Variants in TPPP observed in about 807,000 individuals in gnomAD.
TPPP encodes tubulin polymerization-promoting protein.
Under a neutral mutation model 15.5 loss-of-function variants are expected in TPPP, and 6 were observed. The observed-to-expected ratio is 0.39, with a 90% confidence interval of 0.21 to 0.77. The LOEUF (loss-of-function observed/expected upper bound fraction) is 0.77, where lower values mean the gene tolerates loss of function less well. Among genes scored for constraint, TPPP ranks in the 30% least tolerant of loss-of-function variants. TPPP has a pLI of 0.42. For synonymous variants in TPPP, 146 were observed against 133.9 expected (o/e 1.09, Z -0.63); for missense variants, 269 against 307.2 (o/e 0.88, Z 0.93).
upstream of TPPP, among the ~76,000 whole-genome samples, chr5:693,657 T>A (rs1740960304): frequency 1.3e-5 from 2 of 151,476 alleles, no homozygotes; most frequent in South Asian, 4.2e-4. Context: ...GCCCCTCACC[T>A]GGCTCTGGGG....
intron 1 of TPPP, among the ~76,000 whole-genome samples, chr5:685,801 C>T (rs540314181): frequency 4.6e-5 from 7 of 152,146 alleles, no homozygotes; most frequent in Non-Finnish European, 7.4e-5. Context: ...GATGAGAAGG[C>T]GGGGCAGTCT....
At chr5:670,091 C>T (rs554138716) in intron 2 of TPPP, among the ~76,000 whole-genome samples, 361 of 152,236 alleles carry the variant, frequency 2.4e-3, no homozygotes, top group Non-Finnish European at 3.5e-3. Flanking sequence ...CCCCTGGCCT[C>T]TGGGCCTGGT....
chr5:665,170 C>T lies in TPPP; in HGVS notation c.592G>A (p.Glu198Lys), dbSNP rs748630491. The T allele has an allele frequency of 5.0e-6, 8 of 1,613,552 alleles. No individual in the cohort carries two copies. The highest frequency in any genetic ancestry group is 2.2e-5 in the East Asian group (1 of 44,888). Reference sequence around the variant, plus strand: ...TTGTAGCCGGACACATAGCCTGACTCGTCCACCAGATCCACGCGGCCAGCC... The same window carrying T: ...TTGTAGCCGGACACATAGCCTGACTTGTCCACCAGATCCACGCGGCCAGCC... The part of the protein sequence containing the change: ...GKAGRVDLVD[E>K]SGYVSGYKHA... Residue 198 changes from glutamate (E) to lysine (K), a missense_variant, in exon 4 of 4, where the codon GAG becomes AAG. By Grantham distance (56) the Glu-to-Lys change is moderately conservative (BLOSUM62 1). Coordinates refer to ENST00000360578, the MANE Select transcript of TPPP (RefSeq NM_007030.3).
chr5:681,887 G>A (rs866513585), intron 1 of TPPP, among the ~76,000 whole-genome samples: 13 of 152,182 alleles, frequency 8.5e-5, no homozygotes, highest in African/African-American at 2.2e-4. Context: ...AAGCCTCCTC[G>A]CAGGCCAGGG....
intron 1 of TPPP, among the ~76,000 whole-genome samples, chr5:684,078 A>G (rs392824): frequency 0.53 from 76,502 of 144,066 alleles, 18,453 homozygotes; most frequent in South Asian, 0.59. Context: ...CTGCCGGAAC[A>G]GGACCCTCTC....
At chr5:670,080 T>G (rs769270596) in intron 2 of TPPP, among the ~76,000 whole-genome samples, 8 of 81,160 alleles carry the variant, frequency 9.9e-5, no homozygotes, top group Non-Finnish European at 2.5e-4. Flanking sequence ...AGGCTCTGAG[T>G]CCCCTGGCCT....
intron 2 of TPPP, chr5:675,927 G>C (rs1449879806): frequency 6.6e-6 from 1 of 152,220 alleles, no homozygotes; most frequent in Non-Finnish European, 1.5e-5. Flanking sequence ...AAGCCACAGA[G>C]GAGGTTGGCG....
intron 2 of TPPP, among the ~76,000 whole-genome samples, chr5:674,943 C>T (rs1740351623): frequency 6.7e-6 from 1 of 150,156 alleles, no homozygotes; most frequent in Non-Finnish European, 1.5e-5. Context: ...AGCCACAGTC[C>T]TGAGGGAGGT....
intron 2 of TPPP, among the ~76,000 whole-genome samples, chr5:676,908 CAT>C (rs146069659): frequency 0.13 from 18,133 of 139,654 alleles, 1,318 homozygotes; most frequent in South Asian, 0.18. Flanking sequence ...CGCACGCGCG[CAT>C]ACACGACGCA....
In TPPP at chr5:664,547, C is replaced by A. The variant is rs982119988; in HGVS notation, c.*555G>T. 11 of 155,310 alleles carry A rather than the reference C, an allele frequency of 7.1e-5. No homozygotes were observed. Among genetic ancestry groups the A allele is most frequent in the Admixed American group, 4.5e-4 (7 of 15,630 alleles). 9.6% of individuals were successfully genotyped at this position (155,310 alleles called of 1,614,324 possible). A position where few individuals can be genotyped will look rare whatever the true frequency, so the allele number is the denominator to read the frequency against. On this transcript the variant is annotated 3_prime_UTR_variant, in exon 4 of 4. Coordinates refer to ENST00000360578, the MANE Select transcript of TPPP (RefSeq NM_007030.3). Reference sequence around the variant, plus strand: ...CCACACATGTGCCAGGCGCCCAGCACCCCCGCCAGGTGGCCTCACTCTGCC... The same window carrying A: ...CCACACATGTGCCAGGCGCCCAGCAACCCCGCCAGGTGGCCTCACTCTGCC...
chr5:673,311 G>A (rs1012676054), intron 2 of TPPP, among the ~76,000 whole-genome samples: 1 of 152,196 alleles, frequency 6.6e-6, no homozygotes, highest in Non-Finnish European at 1.5e-5. Flanking sequence ...GTACACCTGG[G>A]AGGTCAGGAC....
rs1028942504 is a variant in TPPP, at chr5:663,682, C to T, written c.*1420G>A. ...GTGAGGGAGGGGCCTCGCCACCCTC[C>T]TGTACTGTGAGCCTGGCCCTGGGCA... On this transcript the variant is annotated 3_prime_UTR_variant, in exon 4 of 4. Transcript: ENST00000360578. 6.6e-6 allele frequency: 1 copy of T among 152,406 alleles called. No individual in the cohort carries two copies. The highest frequency in any genetic ancestry group is 6.5e-5 in the Admixed American group (1 of 15,290). The allele number at this position is 152,406 out of a possible 1,614,324, so 9.4% of individuals were successfully genotyped here.
At chr5:666,354 CAG>C (rs1459217438) in intron 2 of TPPP, among the ~76,000 whole-genome samples, 1 of 152,252 alleles carries the variant, frequency 6.6e-6, no homozygotes, top group East Asian at 1.9e-4. Flanking sequence ...CGCTCTGACA[CAG>C]GGTGTGTGCG....
chr5:677,697 G>C, intron 2 of TPPP, 53 bp downstream of exon 2: 2 of 1,490,792 alleles, frequency 1.3e-6, no homozygotes, highest in Non-Finnish European at 1.8e-6. Context: ...GGGGCTCAGG[G>C]CCGCAGACCC....
At chr5:699,198 G>A in the TPPP span, among the ~76,000 whole-genome samples, 2 of 152,080 alleles carry the variant, frequency 1.3e-5, no homozygotes, top group South Asian at 2.1e-4. Context: ...AAAGCTAGAA[G>A]AACAAAGTTT....
chr5:693,516 G>C (rs754995474), upstream of TPPP: 5 of 149,044 alleles, frequency 3.4e-5, no homozygotes, highest in South Asian at 2.0e-4. Flanking sequence ...GCCCGGGGAC[G>C]CGCGGGCGCA....
At chr5:666,545 A>G (rs901093867) in intron 2 of TPPP, among the ~76,000 whole-genome samples, 3 of 152,180 alleles carry the variant, frequency 2.0e-5, no homozygotes, top group African/African-American at 7.2e-5. Context: ...CCCACACAGG[A>G]ACATGGTTAG....
chr5:663,187 G>A lies in TPPP; in HGVS notation c.*1915C>T, dbSNP rs1739742279. ...CCGATGACTGCTCGTCTGTGACCGGGCGATTCCGGTGACCGCTCGTCTGTG... is the reference window on the plus strand; with the variant it reads ...CCGATGACTGCTCGTCTGTGACCGGACGATTCCGGTGACCGCTCGTCTGTG... On this transcript the variant is annotated 3_prime_UTR_variant, in exon 4 of 4. Transcript: ENST00000360578. The A allele has an allele frequency of 7.6e-6, 1 of 131,160 alleles. No individual in the cohort carries two copies. Among genetic ancestry groups the A allele is most frequent in the Non-Finnish European group, 1.8e-5 (1 of 55,444 alleles). 8.1% of individuals were successfully genotyped at this position (131,160 alleles called of 1,614,324 possible). A position where few individuals can be genotyped will look rare whatever the true frequency, so the allele number is the denominator to read the frequency against.
chr5:674,432 C>T (rs565242547), intron 2 of TPPP, among the ~76,000 whole-genome samples: 5 of 150,932 alleles, frequency 3.3e-5, no homozygotes, highest in Admixed American at 1.3e-4. Flanking sequence ...GGCCACACTG[C>T]GAACCCCACC....
Sources: gnomAD v4.1 joint callset for allele counts (sites outside exome capture counted in the v4.1 genomes callset) on GRCh38, gnomAD v4.1.1 for gene constraint, MANE v1.5 for transcripts, NCBI Gene and HGNC (gene_info 2026-07-23, HGNC 2026-07-21) for gene names.